Variants in ZBTB16 observed in about 807,000 individuals in gnomAD.
ZBTB16 encodes zinc finger and BTB domain-containing protein 16.
ZBTB16 carries 8 observed loss-of-function variants against 56.8 expected under a neutral mutation model. The observed-to-expected ratio is 0.14, with a 90% CI of 0.08 to 0.25. The LOEUF is 0.25. ZBTB16 is among the 10% of genes least tolerant of loss of function. The pLI is 1.00. For synonymous variants in ZBTB16, 363 were observed against 368.5 expected, an observed-to-expected ratio of 0.98 and a Z score of 0.17; for missense variants, 625 against 903.0, an observed-to-expected ratio of 0.69 and a Z score of 3.95.
At chr11:114,166,631 G>A (rs1476011366) in intron 3 of ZBTB16, among the ~76,000 whole-genome samples, 2 of 152,134 alleles carry the variant, frequency 1.3e-5, no homozygotes, top group East Asian at 1.9e-4. Flanking sequence ...GACTTCTACC[G>A]ACATTCATGC....
At chr11:114,111,905 C>T (rs1941016409) in intron 2 of ZBTB16, among the ~76,000 whole-genome samples, 1 of 152,168 alleles carries the variant, frequency 6.6e-6, no homozygotes, top group African/African-American at 2.4e-5. Flanking sequence ...TTCCTCTTCC[C>T]CTTTTACCCC....
At chr11:114,119,372 CTGTG>C (rs960608847) in intron 2 of ZBTB16, among the ~76,000 whole-genome samples, 1 of 143,286 alleles carries the variant, frequency 7.0e-6, no homozygotes, top group Non-Finnish European at 1.5e-5. Flanking sequence ...GTGTTTGTGT[CTGTG>C]TGTGTGTGCA....
Position 114,197,193 on chromosome 11 carries a change from G to A in ZBTB16, c.1453+10155G>A, listed in dbSNP as rs76767507. Among the ~76,000 whole-genome samples the A allele has an allele frequency of 3.2e-3, 484 of 152,248 alleles. 1 individual carries two copies. Among genetic ancestry groups the A allele is most frequent in the South Asian group, 0.015 (70 of 4,820 alleles). ...GGTTGCTTAGTTTCCACATTACTGC[G>A]TCACAGGGGAAGCCACTCAACCAGA... On this transcript the variant is annotated intron_variant, in intron 4 of 6. Coordinates refer to ENST00000335953, the MANE Select transcript of ZBTB16 (RefSeq NM_006006.6).
At chr11:114,127,920 T>A (rs1218972655) in intron 2 of ZBTB16, among the ~76,000 whole-genome samples, 2 of 152,094 alleles carry the variant, frequency 1.3e-5, no homozygotes, top group Non-Finnish European at 1.5e-5. Flanking sequence ...CTGCAGAATC[T>A]TGGTGCCGTC....
At chr11:114,127,018 T>G (rs1293106648) in intron 2 of ZBTB16, among the ~76,000 whole-genome samples, 1 of 152,114 alleles carries the variant, frequency 6.6e-6, no homozygotes, top group Non-Finnish European at 1.5e-5. Context: ...GGAGCAGAGG[T>G]TAGGGAATGC....
intron 4 of ZBTB16, chr11:114,187,351 GTGT>G (rs1402145197): frequency 7.4e-6 from 3 of 407,344 alleles, no homozygotes; most frequent in Non-Finnish European, 1.4e-5. Flanking sequence ...GCCTTAGTCT[GTGT>G]TGTTATCAAA....
At chr11:114,203,826 G>C in intron 4 of ZBTB16, among the ~76,000 whole-genome samples, 1 of 152,096 alleles carries the variant, frequency 6.6e-6, no homozygotes, top group East Asian at 1.9e-4. Context: ...GAGTAGGGGT[G>C]GCTCTGGGAT....
At chr11:114,084,294 G>A (rs964330108) in intron 2 of ZBTB16, among the ~76,000 whole-genome samples, 1 of 152,126 alleles carries the variant, frequency 6.6e-6, no homozygotes, top group Admixed American at 6.5e-5. Context: ...TAGGGGTCTG[G>A]CTTAGAGATG....
intron 3 of ZBTB16, among the ~76,000 whole-genome samples, chr11:114,183,979 G>A (rs1474494504): frequency 1.3e-5 from 2 of 152,246 alleles, no homozygotes; most frequent in Non-Finnish European, 2.9e-5. Context: ...CCTGTGGCGT[G>A]AAGGGACACC....
At chr11:114,148,469 C>CTCTCTCTTTCTT (rs36194689) in intron 2 of ZBTB16, among the ~76,000 whole-genome samples, 7 of 60,904 alleles carry the variant, frequency 1.1e-4, no homozygotes, top group Admixed American at 4.2e-4. Context: ...CTCTCTCTCT[C>CTCTCTCTTTCTT]TCTTTCTTTC....
At position 114,185,076 on chromosome 11, in the gene ZBTB16, C is replaced by T. The variant is rs150319419; in HGVS notation, c.1367-1876C>T. On this transcript the variant is annotated intron_variant, in intron 3 of 6. Transcript: ENST00000335953. ...AAACAGAATTAGTCAGGCATGGTGG[C>T]GTGCACCTGTTGTCCCAGCTACTCA... is the stretch of plus-strand genomic sequence containing the variant. Among the ~76,000 whole-genome samples the T allele has an allele frequency of 9.0e-3, 1,370 of 152,170 alleles. 15 individuals are homozygous for T. The highest frequency in any genetic ancestry group is 0.031 in the African/African-American group (1,301 of 41,526).
chr11:114,072,533 G>A (rs558016310), intron 2 of ZBTB16, among the ~76,000 whole-genome samples: 1 of 152,256 alleles, frequency 6.6e-6, no homozygotes, highest in South Asian at 2.1e-4. Context: ...GGGTGTTGGG[G>A]GTTCCAGAGC....
chr11:114,098,929 C>T (rs1940511396), intron 2 of ZBTB16, among the ~76,000 whole-genome samples: 1 of 152,170 alleles, frequency 6.6e-6, no homozygotes, highest in African/African-American at 2.4e-5. Flanking sequence ...TTCATATTTG[C>T]TTGCAAGCTT....
intron 5 of ZBTB16, 38 bp from the exon 6 acceptor site, chr11:114,247,160 G>T: frequency 6.2e-7 from 1 of 1,614,132 alleles, no homozygotes. Context: ...AGGGGGCAGG[G>T]AGAGGCAAAG....
rs565590714 is a variant in ZBTB16 at position 114,143,815 on chromosome 11, C to A, written c.1269-12522C>A. On this transcript the variant is annotated intron_variant, in intron 2 of 6. Coordinates refer to ENST00000335953, the MANE Select transcript of ZBTB16 (RefSeq NM_006006.6). This position sits in a 1 kb window ranked among gnomAD's most constrained non-coding sequence, Gnocchi z 6.4. ...AAGAATCGATCTCTTCATTCTGTTTCAAGATTACATAGCATGCAGTATGTT... is the reference window on the plus strand; with the variant it reads ...AAGAATCGATCTCTTCATTCTGTTTAAAGATTACATAGCATGCAGTATGTT... Among the ~76,000 whole-genome samples the A allele has an allele frequency of 1.3e-5, 2 of 152,322 alleles. No homozygotes were observed. The highest frequency in any genetic ancestry group is 4.1e-4 in the South Asian group (2 of 4,828).
chr11:114,095,331 G>A (rs1940354508), intron 2 of ZBTB16, among the ~76,000 whole-genome samples: 1 of 140,200 alleles, frequency 7.1e-6, no homozygotes, highest in South Asian at 2.3e-4. Flanking sequence ...CTCGATCTCG[G>A]CTCACTGCAA....
intron 2 of ZBTB16, among the ~76,000 whole-genome samples, chr11:114,149,287 G>A (rs1013216215): frequency 7.2e-5 from 11 of 152,118 alleles, no homozygotes; most frequent in African/African-American, 2.4e-4. Flanking sequence ...GTATATATAT[G>A]TACACATATA....
intron 2 of ZBTB16, among the ~76,000 whole-genome samples, chr11:114,130,005 C>T (rs926075): frequency 0.25 from 38,098 of 152,146 alleles, 5,564 homozygotes; most frequent in Non-Finnish European, 0.32. Flanking sequence ...TTTCCTTGGA[C>T]GAGCAAGGTG....
intron 3 of ZBTB16, among the ~76,000 whole-genome samples, chr11:114,168,973 G>A (rs1193537975): frequency 6.6e-6 from 1 of 152,196 alleles, no homozygotes. Flanking sequence ...GTTGGGGATA[G>A]GAGGGTTCTG....
Sources: allele counts gnomAD v4.1 joint callset (sites outside exome capture counted in the v4.1 genomes callset), GRCh38; gene constraint gnomAD v4.1.1; non-coding constraint Gnocchi (gnomAD v3.1); transcripts MANE v1.5; gene names NCBI Gene and HGNC (gene_info 2026-07-23, HGNC 2026-07-21).